The following FSTL5 variants were observed in gnomAD, a reference collection of about 807,000 sequenced individuals.
The protein encoded by FSTL5 is follistatin like 5, also known as follistatin-related protein 5.
In FSTL5, 62 loss-of-function variants were observed where a neutral mutation model predicts 89.1. That is an observed-to-expected ratio of 0.70 (90% CI 0.57 to 0.86). The LOEUF (loss-of-function observed/expected upper bound fraction) is 0.86, where lower values mean the gene tolerates loss of function less well. FSTL5 is among the 40% of genes least tolerant of loss of function. The pLI is 0.00. For synonymous variants in FSTL5, 383 were observed against 346.2 expected (o/e 1.11, Z -1.18); for missense variants, 1,057 against 1,001.6 (o/e 1.06, Z -0.75).
chr4:161,641,642 C>T (rs1240171968), intron 7 of FSTL5, among the ~76,000 whole-genome samples: 2 of 152,030 alleles, frequency 1.3e-5, no homozygotes, highest in East Asian at 1.9e-4. Flanking sequence ...CAGGCATACG[C>T]CCCCACGCCC....
intron 3 of FSTL5, among the ~76,000 whole-genome samples, chr4:162,012,308 C>G (rs189292997): frequency 2.6e-5 from 4 of 152,204 alleles, no homozygotes; most frequent in Admixed American, 2.6e-4. Context: ...AATTTTGATA[C>G]TTTTTCAGCT....
intron 2 of FSTL5, among the ~76,000 whole-genome samples, chr4:162,063,996 T>C (rs1738805110): frequency 6.6e-6 from 1 of 151,966 alleles, no homozygotes; most frequent in Non-Finnish European, 1.5e-5. Context: ...AGAAATACAC[T>C]TTACTCCTGT....
At chr4:161,727,368 T>C (rs1739459464) in intron 6 of FSTL5, among the ~76,000 whole-genome samples, 1 of 152,216 alleles carries the variant, frequency 6.6e-6, no homozygotes, top group Non-Finnish European at 1.5e-5. Flanking sequence ...GGACATTATG[T>C]GGTAATCTAC....
At chr4:161,491,718 G>A (rs1358278687) in intron 12 of FSTL5, among the ~76,000 whole-genome samples, 2 of 151,964 alleles carry the variant, frequency 1.3e-5, no homozygotes, top group African/African-American at 2.4e-5. Flanking sequence ...GCACGCCCTT[G>A]TAATCCCAGC....
chr4:161,486,139 G>A (rs1729668844), intron 12 of FSTL5, among the ~76,000 whole-genome samples: 1 of 110,946 alleles, frequency 9.0e-6, no homozygotes, highest in Admixed American at 1.1e-4. Flanking sequence ...GTAAGACTCC[G>A]TCTCAAAAAA....
At chr4:161,842,519 T>A (rs1261992836) in intron 4 of FSTL5, among the ~76,000 whole-genome samples, 1 of 152,154 alleles carries the variant, frequency 6.6e-6, no homozygotes, top group African/African-American at 2.4e-5. Context: ...CTATCATCTG[T>A]TTTAAGTATA....
At chr4:162,110,639 T>C (rs1224119254) in intron 2 of FSTL5, among the ~76,000 whole-genome samples, 1 of 151,718 alleles carries the variant, frequency 6.6e-6, no homozygotes, top group African/African-American at 2.4e-5. Flanking sequence ...GAGAATATTA[T>C]TTTCAGTATC....
intron 2 of FSTL5, among the ~76,000 whole-genome samples, chr4:162,035,686 A>G (rs1267680624): frequency 6.6e-6 from 1 of 152,062 alleles, no homozygotes; most frequent in Non-Finnish European, 1.5e-5. Flanking sequence ...TATTATCTGA[A>G]TTACTTTTAA....
chr4:162,040,837 A>G (rs979160218), intron 2 of FSTL5, among the ~76,000 whole-genome samples: 1 of 151,798 alleles, frequency 6.6e-6, no homozygotes, highest in Non-Finnish European at 1.5e-5. Flanking sequence ...TTCATTTTTC[A>G]CAAAAGTCAC....
chr4:162,046,136 GT>G (rs879359092), intron 2 of FSTL5, among the ~76,000 whole-genome samples: 2 of 151,948 alleles, frequency 1.3e-5, no homozygotes, highest in East Asian at 1.9e-4. Flanking sequence ...TGGAACACGG[GT>G]TTTTTTATTT....
chr4:161,908,620 GTCAATC>G (rs1422425522), intron 4 of FSTL5, among the ~76,000 whole-genome samples: 2 of 151,970 alleles, frequency 1.3e-5, no homozygotes, highest in Non-Finnish European at 2.9e-5. Flanking sequence ...CATTGGCTAA[GTCAATC>G]TATATTCCAT....
chr4:161,538,292 T>C lies in FSTL5; in HGVS notation c.1186A>G (p.Ser396Gly), dbSNP rs1731702928. The C allele has an allele frequency of 6.2e-7, 1 of 1,613,712 alleles. No homozygotes were observed. The highest frequency in any genetic ancestry group is 1.7e-5 in the Admixed American group (1 of 59,978). Residue 396 changes from serine (S) to glycine (G), a missense_variant, in exon 10 of 16, where the codon AGT (serine) becomes GGT (glycine). By Grantham distance (56) the Ser-to-Gly change is moderately conservative. Transcript: ENST00000306100. ...CGCACATTGCTTATGTGAACCTCAC[T>C]GCCATTTGCTGAAAAAAGAAGGGAA... The part of the protein sequence containing the change: ...SKQLTLQANG[S>G]EVHISNVRYE...
chr4:161,891,478 A>G (rs1480076377), intron 4 of FSTL5, among the ~76,000 whole-genome samples: 1 of 152,138 alleles, frequency 6.6e-6, no homozygotes, highest in African/African-American at 2.4e-5. Flanking sequence ...TTTCAAATAT[A>G]TATTTCACTA....
At chr4:161,675,357 A>C (rs1737266373) in intron 6 of FSTL5, among the ~76,000 whole-genome samples, 1 of 151,572 alleles carries the variant, frequency 6.6e-6, no homozygotes, top group Admixed American at 6.6e-5. Context: ...TATTCTATTT[A>C]TTTTCAAAAT....
intron 2 of FSTL5, among the ~76,000 whole-genome samples, chr4:162,039,821 G>A (rs74558772): frequency 0.011 from 1,598 of 152,012 alleles, 31 homozygotes; most frequent in African/African-American, 0.036. Flanking sequence ...GTAGTCAAAA[G>A]TGATATGTTC....
intron 6 of FSTL5, among the ~76,000 whole-genome samples, chr4:161,751,475 A>G (rs573743490): frequency 2.4e-4 from 37 of 152,168 alleles, no homozygotes; most frequent in Non-Finnish European, 4.7e-4. Context: ...GGGGATAGCT[A>G]TGAACTCTAA....
intron 2 of FSTL5, among the ~76,000 whole-genome samples, chr4:162,054,680 T>G (rs1395814379): frequency 6.6e-6 from 1 of 151,870 alleles, no homozygotes; most frequent in Non-Finnish European, 1.5e-5. Flanking sequence ...AATCATAAGT[T>G]CTTTTTGTGT....
chr4:161,742,486 T>C (rs1033295336), intron 6 of FSTL5, among the ~76,000 whole-genome samples: 11 of 152,340 alleles, frequency 7.2e-5, no homozygotes, highest in Admixed American at 2.6e-4. Context: ...GAGAGAATTT[T>C]TTAAAATATT....
At chr4:161,854,597 T>A (rs1164024495) in intron 4 of FSTL5, among the ~76,000 whole-genome samples, 1 of 152,138 alleles carries the variant, frequency 6.6e-6, no homozygotes, top group Non-Finnish European at 1.5e-5. Flanking sequence ...ACAAAATAAT[T>A]TTGTAGATTC....
Sources: allele counts gnomAD v4.1 joint callset (sites outside exome capture counted in the v4.1 genomes callset), GRCh38; gene constraint gnomAD v4.1.1; transcripts MANE v1.5; gene names NCBI Gene and HGNC (gene_info 2026-07-23, HGNC 2026-07-21).